EFL1: variants seen among roughly 807,000 people sequenced by gnomAD.
EFL1 encodes the protein elongation factor-like GTPase 1.
Under a neutral mutation model 126.7 loss-of-function variants are expected in EFL1, and 76 were observed. That is an observed-to-expected ratio of 0.60 (90% CI 0.50 to 0.73). The LOEUF is 0.73. Among genes scored for constraint, EFL1 ranks in the 30% least tolerant of loss-of-function variants. The pLI, the probability that EFL1 is intolerant of heterozygous loss-of-function variation, is 0.00. For missense variants in EFL1, 1,128 were observed against 1,343.2 expected (o/e 0.84, Z 2.50); for synonymous variants, 410 against 448.4 (o/e 0.91, Z 1.08).
At chr15:82,229,952 T>C (rs943113401) in intron 8 of EFL1, among the ~76,000 whole-genome samples, 2 of 152,202 alleles carry the variant, frequency 1.3e-5, no homozygotes, top group South Asian at 2.1e-4. Context: ...ATAAAAGTCA[T>C]AGAGCCAATA....
At chr15:82,222,778 G>C (rs143945997) in intron 12 of EFL1, among the ~76,000 whole-genome samples, 1 of 152,206 alleles carries the variant, frequency 6.6e-6, no homozygotes, top group African/African-American at 2.4e-5. Context: ...GGAAACAGTT[G>C]TGAGTGTTAA....
intron 4 of EFL1, among the ~76,000 whole-genome samples, chr15:82,252,364 C>T (rs1596010992): frequency 6.6e-6 from 1 of 152,224 alleles, no homozygotes. Flanking sequence ...CCAAATCTAA[C>T]ATGCAGGCCA....
intron 14 of EFL1, among the ~76,000 whole-genome samples, chr15:82,215,376 A>G (rs1397493828): frequency 2.0e-5 from 3 of 152,188 alleles, no homozygotes; most frequent in Non-Finnish European, 4.4e-5. Context: ...CCTAACTGCT[A>G]TTATATGCTA....
intron 15 of EFL1, among the ~76,000 whole-genome samples, chr15:82,173,459 A>G (rs2074158494): frequency 6.6e-6 from 1 of 152,202 alleles, no homozygotes; most frequent in African/African-American, 2.4e-5. Context: ...AAAGTTGTAC[A>G]ATTAAAGAAA....
Position 82,240,567 on chromosome 15 carries a change from A to G in EFL1, c.379-12T>C, listed in dbSNP as rs1042756727. The G allele has an allele frequency of 6.2e-7, 1 of 1,605,178 alleles. No homozygotes were observed. The highest frequency in any genetic ancestry group is 8.5e-7 in the Non-Finnish European group (1 of 1,177,850). ...AGAACTGCCTGTGTCTGATAAAAAC[A>G]GAAAGAAAAATGTAAAACTCATGAT... On this transcript the variant is annotated splice_polypyrimidine_tract_variant and intron_variant, in intron 5 of 19. Transcript: ENST00000268206.
intron 17 of EFL1, among the ~76,000 whole-genome samples, chr15:82,153,435 CT>C (rs2073934543): frequency 6.6e-6 from 1 of 151,824 alleles, no homozygotes; most frequent in African/African-American, 2.4e-5. Flanking sequence ...ATAACAAAAA[CT>C]ATGGATATGC....
chr15:82,262,602 G>A lies in EFL1; in HGVS notation c.-20+12C>T. Reference sequence around the variant, plus strand: ...TAGGAGGTTCCAGCCCCCAGCGCCAGCCCACACTCACCGGCTGCAGCAGCC... The same window carrying A: ...TAGGAGGTTCCAGCCCCCAGCGCCAACCCACACTCACCGGCTGCAGCAGCC... On this transcript the variant is annotated intron_variant, in intron 1 of 19. Coordinates refer to ENST00000268206, the MANE Select transcript of EFL1 (RefSeq NM_024580.6). The A allele has an allele frequency of 2.6e-6, 1 of 387,272 alleles. No homozygotes were observed. The highest frequency in any genetic ancestry group is 4.6e-6 in the Non-Finnish European group (1 of 215,478). The allele number at this position is 387,272 out of a possible 1,614,324, so 24.0% of individuals were successfully genotyped here.
At chr15:82,198,338 G>A (rs2074429744) in intron 15 of EFL1, among the ~76,000 whole-genome samples, 1 of 152,172 alleles carries the variant, frequency 6.6e-6, no homozygotes, top group Non-Finnish European at 1.5e-5. Context: ...ACGAGAAAGT[G>A]CCAATGCTTC....
chr15:82,217,729 T>C (rs1275980684), intron 14 of EFL1, among the ~76,000 whole-genome samples: 2 of 152,206 alleles, frequency 1.3e-5, no homozygotes, highest in African/African-American at 4.8e-5. Flanking sequence ...CACACCTTTG[T>C]TTAGAAATCT....
chr15:82,185,234 G>C (rs1567054827), intron 15 of EFL1, among the ~76,000 whole-genome samples: 2 of 150,338 alleles, frequency 1.3e-5, no homozygotes, highest in Non-Finnish European at 3.0e-5. Context: ...AATTCACGGA[G>C]TGAAAACACT....
intron 2 of EFL1, among the ~76,000 whole-genome samples, chr15:82,260,649 A>G (rs2075104722): frequency 6.6e-6 from 1 of 152,200 alleles, no homozygotes; most frequent in Non-Finnish European, 1.5e-5. Flanking sequence ...AAGCAGGTAT[A>G]GTTTTCATCC....
At chr15:82,248,821 GA>G (rs1351886828) in intron 4 of EFL1, among the ~76,000 whole-genome samples, 1 of 150,784 alleles carries the variant, frequency 6.6e-6, no homozygotes, top group Non-Finnish European at 1.5e-5. Context: ...ATACTTGGAA[GA>G]TTTTACCGAA....
Position 82,214,818 on chromosome 15 carries a change from G to A in EFL1, c.1649C>T (p.Pro550Leu). The A allele has an allele frequency of 1.9e-6, 3 of 1,590,286 alleles. No individual in the cohort carries two copies. The highest frequency in any genetic ancestry group is 1.7e-6 in the Non-Finnish European group (2 of 1,173,178). The change falls in exon 15 of 20, where the codon CCC becomes CTC. Residue 550 changes from proline (P) to leucine (L), a missense_variant. Pro to Leu is a moderately conservative substitution (Grantham distance 98, BLOSUM62 -3). This residue lies in a region of EFL1 where 120 missense variants were observed against 142.1 expected (regional missense o/e 0.84). Coordinates refer to ENST00000268206, the MANE Select transcript of EFL1 (RefSeq NM_024580.6). The part of the protein sequence containing the change: ...LGFSAPPDGL[P>L]QVPHMAYCAL... ...ACAGTATGCCATGTGGGGGACTTGGGGGAGGCCATCTGGTGGAGCTGAGAA... is the reference window on the plus strand; with the variant it reads ...ACAGTATGCCATGTGGGGGACTTGGAGGAGGCCATCTGGTGGAGCTGAGAA...
chr15:82,157,843 C>T lies in EFL1; in HGVS notation c.1900G>A (p.Val634Ile), dbSNP rs771685905. 3.4e-5 allele frequency: 55 copies of T among 1,612,576 alleles called. No homozygotes were observed. In the Admixed American group the frequency reaches 6.5e-4, roughly 19 times the overall value. ...TGGTTTAACAGTTTCATTCCTTTTACGAGCTGAGGCATTTCACCTAGGTTA... is the reference window on the plus strand; with the variant it reads ...TGGTTTAACAGTTTCATTCCTTTTATGAGCTGAGGCATTTCACCTAGGTTA... Reference protein sequence around the residue: ...PKHPSEMPQLVKGMKLLNQAD... With the variant: ...PKHPSEMPQLIKGMKLLNQAD... Residue 634 changes from valine to isoleucine, a missense_variant, in exon 17 of 20, where the codon GTA becomes ATA. Transcript: ENST00000268206.
chr15:82,175,341 C>T (rs1386132851), intron 15 of EFL1, among the ~76,000 whole-genome samples: 1 of 152,152 alleles, frequency 6.6e-6, no homozygotes, highest in Non-Finnish European at 1.5e-5. Context: ...AAATACAGAT[C>T]ATTTCAAGTC....
intron 18 of EFL1, among the ~76,000 whole-genome samples, chr15:82,146,473 T>C (rs928471623): frequency 6.6e-6 from 1 of 152,092 alleles, no homozygotes; most frequent in African/African-American, 2.4e-5. Context: ...AAAACACAAG[T>C]GAACAGCTGA....
intron 15 of EFL1, among the ~76,000 whole-genome samples, chr15:82,209,440 T>G (rs2074561718): frequency 6.6e-6 from 1 of 152,116 alleles, no homozygotes; most frequent in Non-Finnish European, 1.5e-5. Flanking sequence ...TAATATTTAT[T>G]TTCCTCATGC....
At chr15:82,138,977 C>A in intron 18 of EFL1, 135 bp from the exon 19 acceptor site, 1 of 842,156 alleles carries the variant, frequency 1.2e-6, no homozygotes, top group Non-Finnish European at 1.7e-6. Flanking sequence ...TTTACAAAAG[C>A]AAGGAACACT....
chr15:82,243,746 T>A (rs75058815), intron 4 of EFL1, among the ~76,000 whole-genome samples: 1 of 145,606 alleles, frequency 6.9e-6, no homozygotes, highest in Non-Finnish European at 1.5e-5. Flanking sequence ...AACGAATACC[T>A]ATCTACTTAT....
Sources: gnomAD v4.1 joint callset for allele counts (sites outside exome capture counted in the v4.1 genomes callset) on GRCh38, gnomAD v4.1.1 for gene constraint, gnomAD v4.1.1 regional missense constraint, MANE v1.5 for transcripts, NCBI Gene and HGNC (gene_info 2026-07-23, HGNC 2026-07-21) for gene names.